The following SASH1 variants were observed in gnomAD, a reference collection of about 807,000 sequenced individuals.
SASH1 encodes the protein SAM and SH3 domain-containing protein 1.
Under a neutral mutation model 125.2 loss-of-function variants are expected in SASH1, and 44 were observed. The observed-to-expected ratio is 0.35, with a 90% CI of 0.28 to 0.45. The LOEUF is 0.45. SASH1 is among the 20% of genes least tolerant of loss of function. The pLI, the probability that SASH1 is intolerant of heterozygous loss-of-function variation, is 1.00. For synonymous variants in SASH1, 639 were observed against 649.1 expected (o/e 0.98, Z 0.24); for missense variants, 1,426 against 1,614.5 (o/e 0.88, Z 2.00).
chr6:148,289,486 G>T (rs527328473), intron 1 of SASH1, among the ~76,000 whole-genome samples: 3 of 152,234 alleles, frequency 2.0e-5, no homozygotes, highest in African/African-American at 7.2e-5. Context: ...GTCAGAGGAA[G>T]GTCTGCCCCT....
At chr6:148,414,916 A>G (rs1784764611) in intron 2 of SASH1, among the ~76,000 whole-genome samples, 2 of 152,248 alleles carry the variant, frequency 1.3e-5, no homozygotes, top group South Asian at 4.1e-4. Flanking sequence ...AGTGCTGGGA[A>G]TACAGGCGTC....
At chr6:148,468,636 A>G (rs762009612) in intron 5 of SASH1, 51 bp downstream of exon 5, 103 of 1,156,824 alleles carry the variant, frequency 8.9e-5, no homozygotes, top group Middle Eastern at 2.0e-4. Flanking sequence ...AATACTTTAT[A>G]GAAAACACGA....
At chr6:148,351,723 C>A (rs1380483530) in intron 1 of SASH1, among the ~76,000 whole-genome samples, 5 of 149,078 alleles carry the variant, frequency 3.4e-5, no homozygotes, top group African/African-American at 1.2e-4. Flanking sequence ...TCCTAAGCAC[C>A]CTTGACTTTG....
intron 4 of SASH1, among the ~76,000 whole-genome samples, chr6:148,449,144 A>G (rs1776967822): frequency 7.2e-6 from 1 of 138,644 alleles, no homozygotes; most frequent in African/African-American, 2.7e-5. Flanking sequence ...ATCTCGGCTC[A>G]CTGCAACCTC....
In SASH1 at chr6:148,532,780, C is replaced by G; in HGVS notation, c.1565-17C>G. On this transcript the variant is annotated splice_polypyrimidine_tract_variant and intron_variant, in intron 13 of 19. Coordinates refer to ENST00000367467, the MANE Select transcript of SASH1 (RefSeq NM_015278.5). The surrounding 1 kb of genome is among the most constrained non-coding windows in gnomAD (Gnocchi z 4.7). ...AAATCTGGATCTACCCGTGTTCTTC[C>G]TATGTTTCCTGTACAGGCGGTCAAA... 1 of 1,613,662 alleles carries G rather than the reference C, an allele frequency of 6.2e-7. No homozygotes were observed.
chr6:148,512,974 A>G, intron 8 of SASH1: 1 of 985,426 alleles, frequency 1.0e-6, no homozygotes, highest in Middle Eastern at 5.2e-4. Context: ...AGGCCAGGAC[A>G]TCAGTTGTTT....
intron 10 of SASH1, among the ~76,000 whole-genome samples, chr6:148,520,906 G>A (rs74686980): frequency 0.018 from 2,753 of 152,200 alleles, 88 homozygotes; most frequent in African/African-American, 0.063. Context: ...CAGAAAGTTC[G>A]TAAATCTAAC....
chr6:148,476,878 T>C (rs1778386514), intron 7 of SASH1, among the ~76,000 whole-genome samples: 1 of 151,894 alleles, frequency 6.6e-6, no homozygotes, highest in South Asian at 2.1e-4. Context: ...TATAGACCAA[T>C]GGAATAGAAT....
chr6:148,322,912 T>TC (rs1554234526), intron 1 of SASH1, among the ~76,000 whole-genome samples: 15 of 118,506 alleles, frequency 1.3e-4, no homozygotes, highest in South Asian at 2.9e-4. Context: ...CTCTCTTTCT[T>TC]TCTTTTTTCT....
chr6:148,316,423 A>G (rs1780481059), intron 1 of SASH1, among the ~76,000 whole-genome samples: 1 of 152,220 alleles, frequency 6.6e-6, no homozygotes, highest in South Asian at 2.1e-4. Context: ...GCACAAATAA[A>G]AGTTCATGTA....
the SASH1 span, among the ~76,000 whole-genome samples, chr6:148,206,831 A>AC: frequency 0.019 from 2,831 of 151,316 alleles, 36 homozygotes; most frequent in Middle Eastern, 0.061. Context: ...ACACACACAC[A>AC]AATTAACATA....
chr6:148,399,850 A>T (rs2114864180), intron 2 of SASH1, among the ~76,000 whole-genome samples: 2 of 152,326 alleles, frequency 1.3e-5, no homozygotes, highest in Non-Finnish European at 1.5e-5. Flanking sequence ...AGTCAGGACC[A>T]TTCAGGGGGT....
exon 1 of SASH1, chr6:148,272,319 T>A (rs1443705241): frequency 2.1e-6 from 1 of 470,280 alleles, no homozygotes; most frequent in Non-Finnish European, 4.4e-6. Context: ...AGAGAGGAAG[T>A]CAGAGACCAT....
the SASH1 span, among the ~76,000 whole-genome samples, chr6:148,198,654 C>T: frequency 6.6e-6 from 1 of 152,188 alleles, no homozygotes; most frequent in African/African-American, 2.4e-5. Flanking sequence ...ACTGACAGGT[C>T]TTAGACAGGT....
At chr6:148,222,603 C>T in the SASH1 span, among the ~76,000 whole-genome samples, 2 of 152,160 alleles carry the variant, frequency 1.3e-5, no homozygotes, top group African/African-American at 2.4e-5. Flanking sequence ...GAAAACATTA[C>T]GGTTATGACT....
the SASH1 span, among the ~76,000 whole-genome samples, chr6:148,267,230 G>A: frequency 3.6e-4 from 55 of 152,294 alleles, no homozygotes; most frequent in Middle Eastern, 3.4e-3. Flanking sequence ...ACTGGCTATT[G>A]TTTCAATCAA....
chr6:148,301,000 G>A (rs1779926320), intron 1 of SASH1, among the ~76,000 whole-genome samples: 1 of 151,956 alleles, frequency 6.6e-6, no homozygotes, highest in Non-Finnish European at 1.5e-5. Flanking sequence ...TGTCATCCAA[G>A]CTGGAGTGCA....
Position 148,546,021 on chromosome 6 carries a change from C to T in SASH1, c.3355C>T (p.Arg1119Cys), listed in dbSNP as rs201722380. The change falls in exon 19 of 20, where the codon CGC becomes TGC. Residue 1119 changes from arginine to cysteine, a missense_variant. Arg to Cys is a radical substitution (Grantham distance 180). Transcript: ENST00000367467. ...TEEPYSDKHG[R>C]CGIPEALVQR... is the part of the protein sequence containing the mutation. ...TTCCTGTTCTCCCTGGCAGCATGGC[C>T]GCTGTGGGATTCCTGAAGCCCTGGT... The T allele has an allele frequency of 6.0e-5, 96 of 1,613,376 alleles. No individual in the cohort carries two copies. Among genetic ancestry groups the T allele is most frequent in the Non-Finnish European group, 7.4e-5 (87 of 1,179,778 alleles).
At chr6:148,466,238 A>G (rs1383567286) in intron 4 of SASH1, among the ~76,000 whole-genome samples, 4 of 152,340 alleles carry the variant, frequency 2.6e-5, no homozygotes, top group South Asian at 2.1e-4. Flanking sequence ...TGTCCTCTCT[A>G]GCGGTTTCTC....
Sources: gnomAD v4.1 joint callset for allele counts (sites outside exome capture counted in the v4.1 genomes callset) on GRCh38, gnomAD v4.1.1 for gene constraint, Gnocchi (gnomAD v3.1) non-coding constraint, MANE v1.5 for transcripts, NCBI Gene and HGNC (gene_info 2026-07-23, HGNC 2026-07-21) for gene names.